The following CAPN13 variants were observed in gnomAD, a reference collection of about 807,000 sequenced individuals.
CAPN13 encodes calpain 13, also known as calpain-13.
In CAPN13, 90 loss-of-function variants were observed where a neutral mutation model predicts 98.4. The observed-to-expected ratio is 0.92, with a 90% CI of 0.77 to 1.09. CAPN13 has a LOEUF of 1.09. Among genes scored for constraint, CAPN13 ranks in the 50% least tolerant of loss-of-function variants. CAPN13 has a pLI of 0.00. For missense variants in CAPN13, 887 were observed against 841.3 expected (o/e 1.05, Z -0.67); for synonymous variants, 330 against 305.5 (o/e 1.08, Z -0.84).
intron 4 of CAPN13, among the ~76,000 whole-genome samples, chr2:30,773,059 C>T (rs1024215938): frequency 1.3e-5 from 2 of 152,114 alleles, no homozygotes; most frequent in African/African-American, 2.4e-5. Context: ...CTCCTGACCT[C>T]GTGATCTACC....
At chr2:30,793,822 G>A (rs1294794780) in intron 1 of CAPN13, among the ~76,000 whole-genome samples, 1 of 151,592 alleles carries the variant, frequency 6.6e-6, no homozygotes, top group Non-Finnish European at 1.5e-5. Flanking sequence ...AATTCAATGG[G>A]GGAAAGAAAA....
intron 5 of CAPN13, among the ~76,000 whole-genome samples, chr2:30,769,133 A>G (rs1301266878): frequency 6.6e-6 from 1 of 152,162 alleles, no homozygotes; most frequent in Non-Finnish European, 1.5e-5. Context: ...CTCTCCATGA[A>G]GTGTACCCAC....
At chr2:30,730,232 G>C (rs539403932) in intron 22 of CAPN13, among the ~76,000 whole-genome samples, 1 of 152,136 alleles carries the variant, frequency 6.6e-6, no homozygotes, top group African/African-American at 2.4e-5. Flanking sequence ...AGGAAATGAC[G>C]TGAGTGTTAA....
chr2:30,807,248 G>A (rs1675685462), intron 1 of CAPN13, 54 bp downstream of exon 1: 1 of 152,168 alleles, frequency 6.6e-6, no homozygotes, highest in Non-Finnish European at 1.5e-5. Flanking sequence ...GCTCACTAAT[G>A]TTTAGAGGAC....
chr2:30,768,380 G>A (rs1673214803), intron 5 of CAPN13, among the ~76,000 whole-genome samples: 1 of 152,230 alleles, frequency 6.6e-6, no homozygotes, highest in African/African-American at 2.4e-5. Flanking sequence ...AATGTGGAGC[G>A]AGGAGGCAGC....
At chr2:30,781,449 T>C (rs1012833044) in intron 2 of CAPN13, among the ~76,000 whole-genome samples, 4 of 152,222 alleles carry the variant, frequency 2.6e-5, no homozygotes, top group South Asian at 2.1e-4. Flanking sequence ...GGCATGTCCA[T>C]GAGGGTGCTT....
chr2:30,730,872 G>A, intron 21 of CAPN13, 86 bp from the exon 22 acceptor site: 1 of 769,380 alleles, frequency 1.3e-6, no homozygotes, highest in South Asian at 1.4e-5. Context: ...TCCTCCCTCG[G>A]AAGACCTCAG....
rs80160155 is a variant in CAPN13 at position 30,793,616 on chromosome 2, C to T, written c.-32-6259G>A. 8.6e-3 allele frequency among the ~76,000 whole-genome samples: 1,292 copies of T among 151,010 alleles called. 14 individuals are homozygous for T. The highest frequency in any genetic ancestry group is 0.029 in the African/African-American group (1,217 of 41,280). The stretch of plus-strand genomic sequence containing the variant: ...AGATTCTAAGATTTATATCTAAATG[C>T]GAAGAACCTAGAATAACCAAAGCAA... On this transcript the variant is annotated intron_variant, in intron 1 of 22. Coordinates refer to ENST00000295055, the MANE Select transcript of CAPN13 (RefSeq NM_144575.3).
intron 2 of CAPN13, among the ~76,000 whole-genome samples, chr2:30,778,362 A>C (rs545755457): frequency 6.6e-6 from 1 of 152,316 alleles, no homozygotes; most frequent in East Asian, 1.9e-4. Flanking sequence ...AAATTGTGAG[A>C]GTTCCTAAAG....
chr2:30,729,369 G>C (rs1178426306), intron 22 of CAPN13, among the ~76,000 whole-genome samples: 1 of 152,214 alleles, frequency 6.6e-6, no homozygotes, highest in African/African-American at 2.4e-5. Context: ...CTGACACATT[G>C]TTTAAAAATA....
At chr2:30,738,586 G>C in intron 15 of CAPN13, 129 bp from the exon 16 acceptor site, 1 of 967,110 alleles carries the variant, frequency 1.0e-6, no homozygotes, top group Non-Finnish European at 1.6e-6. Flanking sequence ...TCTTGCCCTC[G>C]TCATGAAGAC....
intron 17 of CAPN13, chr2:30,737,462 G>A (rs1014339168): frequency 3.9e-5 from 6 of 152,522 alleles, no homozygotes; most frequent in African/African-American, 1.4e-4. Context: ...GGGTACGCAG[G>A]AAGAGGATGG....
chr2:30,801,536 C>T (rs1180677993), intron 1 of CAPN13, among the ~76,000 whole-genome samples: 1 of 138,648 alleles, frequency 7.2e-6, no homozygotes, highest in Non-Finnish European at 1.5e-5. Context: ...ACCCGGGAGG[C>T]GGAGGTTGCA....
intron 18 of CAPN13, 63 bp from the exon 19 acceptor site, chr2:30,734,587 C>T (rs908189098): frequency 2.3e-6 from 3 of 1,330,566 alleles, no homozygotes; most frequent in Non-Finnish European, 3.2e-6. Flanking sequence ...TACTCCTTTT[C>T]CATCCTGGGA....
At chr2:30,778,591 T>C (rs553676288) in intron 2 of CAPN13, among the ~76,000 whole-genome samples, 26 of 152,252 alleles carry the variant, frequency 1.7e-4, no homozygotes, top group Non-Finnish European at 3.4e-4. Context: ...TGGATTCATT[T>C]GCTCAGTAGC....
At chr2:30,774,249 A>G (rs945927497) in intron 4 of CAPN13, among the ~76,000 whole-genome samples, 1 of 152,232 alleles carries the variant, frequency 6.6e-6, no homozygotes, top group African/African-American at 2.4e-5. Context: ...CACAAAAACA[A>G]TAAAATTAGG....
At chr2:30,743,627 A>G in intron 12 of CAPN13, 48 bp from the exon 13 acceptor site, 3 of 1,565,748 alleles carry the variant, frequency 1.9e-6, no homozygotes, top group Non-Finnish European at 2.6e-6. Flanking sequence ...TCCTCTGTGC[A>G]TGGACCCCAG....
Position 30,764,079 on chromosome 2 carries a change from T to C in CAPN13, c.699+53A>G, listed in dbSNP as rs778465806. The C allele has an allele frequency of 5.1e-4, 778 of 1,515,344 alleles. 1 individual carries two copies. Among genetic ancestry groups the C allele is most frequent in the Non-Finnish European group, 6.5e-4 (733 of 1,121,200 alleles). 93.9% of individuals were successfully genotyped at this position (1,515,344 alleles called of 1,614,324 possible). The stretch of plus-strand genomic sequence containing the variant: ...AGCTGAATGGACCCCTGGCTGAGCA[T>C]TCCTGGCTGAGGAAAGCTTGAACTG... On this transcript the variant is annotated intron_variant, in intron 6 of 22. Transcript: ENST00000295055.
intron 1 of CAPN13, among the ~76,000 whole-genome samples, chr2:30,797,724 G>A (rs201099403): frequency 1.0e-3 from 152 of 152,284 alleles, no homozygotes; most frequent in African/African-American, 3.4e-3. Flanking sequence ...CCAACCTCGG[G>A]TCTCTCCAGG....
Sources: gnomAD v4.1 joint callset for allele counts (sites outside exome capture counted in the v4.1 genomes callset) on GRCh38, gnomAD v4.1.1 for gene constraint, MANE v1.5 for transcripts, NCBI Gene and HGNC (gene_info 2026-07-23, HGNC 2026-07-21) for gene names.